The following TSHZ2 variants were observed in gnomAD, a reference collection of about 807,000 sequenced individuals.
TSHZ2 encodes teashirt zinc finger homeobox 2.
A neutral mutation model predicts 74.4 loss-of-function variants in TSHZ2; 21 were observed. The ratio of observed to expected loss-of-function variants is 0.28; its 90% CI spans 0.20 to 0.41. The LOEUF is 0.41. Ranked by LOEUF, TSHZ2 falls within the 10% of genes least tolerant of loss-of-function variation. The probability of loss-of-function intolerance (pLI) is 1.00; values close to 1 mark genes in which losing one functional copy is unlikely to be tolerated. For missense variants in TSHZ2, 1,244 were observed against 1,293.5 expected, an observed-to-expected ratio of 0.96 and a Z score of 0.59; for synonymous variants, 540 against 515.3, an observed-to-expected ratio of 1.05 and a Z score of -0.65.
chr20:53,233,021 A>C (rs1989864636), intron 1 of TSHZ2, among the ~76,000 whole-genome samples: 1 of 152,262 alleles, frequency 6.6e-6, no homozygotes. Context: ...AGATCTTTAT[A>C]ATGTAACACT....
At chr20:53,227,941 A>C (rs1372991030) in intron 1 of TSHZ2, among the ~76,000 whole-genome samples, 2 of 150,882 alleles carry the variant, frequency 1.3e-5, no homozygotes. Context: ...TTACCACGGT[A>C]TACTTTATAA....
intron 1 of TSHZ2, among the ~76,000 whole-genome samples, chr20:53,152,002 C>T (rs111298054): frequency 1.5e-4 from 23 of 152,130 alleles, no homozygotes; most frequent in African/African-American, 5.1e-4. Flanking sequence ...GAACTGAACT[C>T]GAGGGCAAGG....
chr20:53,272,684 G>T (rs994233545), intron 2 of TSHZ2, among the ~76,000 whole-genome samples: 4 of 152,280 alleles, frequency 2.6e-5, no homozygotes, highest in African/African-American at 7.2e-5. Context: ...AAAAGTATGA[G>T]GATGTAAGAA....
intron 2 of TSHZ2, among the ~76,000 whole-genome samples, chr20:53,301,557 A>G (rs544138387): frequency 2.0e-4 from 31 of 152,360 alleles, no homozygotes; most frequent in African/African-American, 7.2e-4. Flanking sequence ...CCTAAGCCGA[A>G]CTAAGCCTTT....
At chr20:53,265,048 A>G (rs980552488) in intron 2 of TSHZ2, among the ~76,000 whole-genome samples, 4 of 152,104 alleles carry the variant, frequency 2.6e-5, no homozygotes, top group Admixed American at 2.0e-4. Flanking sequence ...GGATCTGCAG[A>G]TGTATCAGGG....
At chr20:53,423,706 C>T (rs558609578) in intron 2 of TSHZ2, among the ~76,000 whole-genome samples, 3 of 152,200 alleles carry the variant, frequency 2.0e-5, no homozygotes, top group Non-Finnish European at 4.4e-5. Flanking sequence ...TCCGCCCATG[C>T]AGCGTTACTG....
At chr20:53,332,007 C>G (rs2145549814) in intron 2 of TSHZ2, among the ~76,000 whole-genome samples, 1 of 152,266 alleles carries the variant, frequency 6.6e-6, no homozygotes, top group East Asian at 1.9e-4. Context: ...CTTCACTGCC[C>G]TCCTCTGGGG....
intron 1 of TSHZ2, among the ~76,000 whole-genome samples, chr20:53,205,488 G>T (rs1989145229): frequency 6.6e-6 from 1 of 152,310 alleles, no homozygotes; most frequent in South Asian, 2.1e-4. Flanking sequence ...CACAAAGGAA[G>T]TTCCAAATGT....
At chr20:53,037,921 T>C (rs370765552) in intron 1 of TSHZ2, among the ~76,000 whole-genome samples, 4 of 152,128 alleles carry the variant, frequency 2.6e-5, no homozygotes, top group East Asian at 2.0e-4. Context: ...CAGGACAGAA[T>C]GCCTGGGTCT....
intron 1 of TSHZ2, among the ~76,000 whole-genome samples, chr20:53,175,352 G>C (rs1988311608): frequency 2.0e-5 from 3 of 151,454 alleles, no homozygotes; most frequent in African/African-American, 7.3e-5. Flanking sequence ...ATGTTGGCCA[G>C]GCTGGTCTCT....
intron 2 of TSHZ2, among the ~76,000 whole-genome samples, chr20:53,433,864 G>T (rs1048605232): frequency 2.6e-5 from 4 of 151,962 alleles, no homozygotes; most frequent in African/African-American, 4.8e-5. Flanking sequence ...AAATAAAATG[G>T]GCTTTATGAA....
At chr20:53,445,214 TAAATA>T (rs2145767046) in intron 2 of TSHZ2, among the ~76,000 whole-genome samples, 1 of 152,330 alleles carries the variant, frequency 6.6e-6, no homozygotes, top group East Asian at 1.9e-4. Context: ...CATAAACACA[TAAATA>T]AGATAAATTT....
intron 1 of TSHZ2, among the ~76,000 whole-genome samples, chr20:53,012,943 C>T (rs1487791298): frequency 3.9e-5 from 6 of 152,046 alleles, no homozygotes; most frequent in Admixed American, 2.6e-4. Context: ...TTTTACTTTG[C>T]CAAATAAAGA....
chr20:53,098,900 G>A (rs903407932), intron 1 of TSHZ2, among the ~76,000 whole-genome samples: 1 of 152,204 alleles, frequency 6.6e-6, no homozygotes, highest in Non-Finnish European at 1.5e-5. Flanking sequence ...TAAGGCCAGG[G>A]TTGTGGTTTT....
At chr20:53,001,581 T>A (rs904680831) in intron 1 of TSHZ2, among the ~76,000 whole-genome samples, 14 of 152,176 alleles carry the variant, frequency 9.2e-5, no homozygotes, top group African/African-American at 3.4e-4. Flanking sequence ...TTTTCAAGAA[T>A]AAGGAAGCGA....
intron 1 of TSHZ2, among the ~76,000 whole-genome samples, chr20:52,983,192 A>T (rs1981630612): frequency 6.6e-6 from 1 of 152,228 alleles, no homozygotes; most frequent in African/African-American, 2.4e-5. Context: ...CTGTGCACTC[A>T]GAAGCAAGTT....
intron 2 of TSHZ2, among the ~76,000 whole-genome samples, chr20:53,262,034 T>C (rs993304758): frequency 6.6e-6 from 1 of 152,158 alleles, no homozygotes; most frequent in African/African-American, 2.4e-5. Context: ...TTGCCCTTCC[T>C]GCAGAGAAGT....
chr20:53,329,942 C>T (rs1175556789), intron 2 of TSHZ2, among the ~76,000 whole-genome samples: 3 of 152,162 alleles, frequency 2.0e-5, no homozygotes, highest in African/African-American at 7.2e-5. Context: ...CACTGAAACC[C>T]TCAGGCCAAA....
At chr20:53,332,158 C>G (rs1157121299) in intron 2 of TSHZ2, among the ~76,000 whole-genome samples, 2 of 152,244 alleles carry the variant, frequency 1.3e-5, no homozygotes, top group South Asian at 4.2e-4. Flanking sequence ...CTGTGCTGAG[C>G]CTGGGACTCA....
Sources: gnomAD v4.1 joint callset for allele counts (sites outside exome capture counted in the v4.1 genomes callset) on GRCh38, gnomAD v4.1.1 for gene constraint, MANE v1.5 for transcripts, NCBI Gene and HGNC (gene_info 2026-07-23, HGNC 2026-07-21) for gene names.